SCAF1: variants seen among roughly 807,000 people sequenced by gnomAD.
The protein encoded by SCAF1 is SR-related CTD associated factor 1.
SCAF1 carries 28 observed loss-of-function variants against 91.2 expected under a neutral mutation model. That is an observed-to-expected ratio of 0.31 (90% CI 0.23 to 0.42). The LOEUF is 0.42. Ranked by LOEUF, SCAF1 falls within the 10% of genes least tolerant of loss-of-function variation. The pLI is 1.00. For synonymous variants in SCAF1, 1,036 were observed against 833.7 expected, an observed-to-expected ratio of 1.24 and a Z score of -4.18; for missense variants, 1,893 against 1,872.1, an observed-to-expected ratio of 1.01 and a Z score of -0.21.
rs1401180443 is a variant in SCAF1, at chr19:49,654,741, C to G, written c.3489C>G (p.Ser1163Arg). ...TGGGTCTGCCCCCTGGCCCCTCCAG[C>G]TACCTGCTTCCTGGCAGCCTCCCTC... ...TSLGLPPGPSSYLLPGSLPLG... is the reference protein window; with the variant it reads ...TSLGLPPGPSRYLLPGSLPLG... The change falls in exon 9 of 11, where the codon AGC (serine) becomes AGG (arginine). Residue 1163 changes from serine to arginine, a missense_variant. Physicochemically the swap from Ser to Arg is moderately radical, Grantham distance 110. Coordinates refer to ENST00000360565, the MANE Select transcript of SCAF1 (RefSeq NM_021228.3). 6.2e-7 allele frequency: 1 copy of G among 1,613,978 alleles called. No individual in the cohort carries two copies. The highest frequency in any genetic ancestry group is 2.2e-5 in the East Asian group (1 of 44,882).
Position 49,654,671 on chromosome 19 carries a change from C to A in SCAF1, c.3419C>A (p.Pro1140Gln). The A allele has an allele frequency of 1.2e-6, 2 of 1,612,998 alleles. No individual in the cohort carries two copies. Among genetic ancestry groups the A allele is most frequent in the Non-Finnish European group, 1.7e-6 (2 of 1,179,362 alleles). ...ATNQILSHRK[P>Q]PSSLGMTPAP... is the part of the protein sequence containing the mutation. Reference sequence around the variant, plus strand: ...CCACAGATCCTCAGCCACAGAAAGCCACCCTCAAGTCTGGGGATGACCCCA... The same window carrying A: ...CCACAGATCCTCAGCCACAGAAAGCAACCCTCAAGTCTGGGGATGACCCCA... The change falls in exon 9 of 11, where the codon CCA becomes CAA. Residue 1140 changes from proline (P) to glutamine (Q), a missense_variant. Physicochemically the swap from Pro to Gln is moderately conservative, Grantham distance 76 (BLOSUM62 -1). Coordinates refer to ENST00000360565, the MANE Select transcript of SCAF1 (RefSeq NM_021228.3).
Position 49,646,950 on chromosome 19 carries a change from G to A in SCAF1, c.478+120G>A, listed in dbSNP as rs193252531. The A allele has an allele frequency of 9.8e-6, 7 of 716,980 alleles. No individual in the cohort carries two copies. The highest frequency in any genetic ancestry group is 7.1e-5 in the African/African-American group (4 of 56,014). The allele number at this position is 716,980 out of a possible 1,614,324, so 44.4% of individuals were successfully genotyped here. A position where few individuals can be genotyped will look rare whatever the true frequency, so the allele number is the denominator to read the frequency against. ...TAGACAAAACCTTTCCCTTCTCTTC[G>A]TATTAGACGTGATTAAGGCTGTAGG... On this transcript the variant is annotated intron_variant, in intron 6 of 10. Coordinates refer to ENST00000360565, the MANE Select transcript of SCAF1 (RefSeq NM_021228.3). The surrounding 1 kb of genome is among the most constrained non-coding windows in gnomAD (Gnocchi z 5.6).
In SCAF1 at chr19:49,646,711, G is replaced by C. The variant is rs770998110; in HGVS notation, c.363-4G>C. The C allele has an allele frequency of 3.7e-6, 6 of 1,613,812 alleles. No individual in the cohort carries two copies. In the East Asian group the frequency reaches 1.1e-4, roughly 30 times the overall value. ...GAGGCTCACCCACCCCTTCCGCCTTGCAGAAGTGAGGACATGCTGGAGCTG... is the reference window on the plus strand; with the variant it reads ...GAGGCTCACCCACCCCTTCCGCCTTCCAGAAGTGAGGACATGCTGGAGCTG... On this transcript the variant is annotated splice_polypyrimidine_tract_variant and splice_region_variant and intron_variant, in intron 5 of 10. Transcript: ENST00000360565. This position sits in a 1 kb window ranked among gnomAD's most constrained non-coding sequence, Gnocchi z 5.6.
rs770076860 is a variant in SCAF1 at position 49,651,476 on chromosome 19, C to T, written c.1087C>T (p.Arg363Trp). 1.3e-5 allele frequency: 21 copies of T among 1,583,110 alleles called. No individual in the cohort carries two copies. In the Admixed American group the frequency reaches 2.3e-4, roughly 18 times the overall value. The part of the protein sequence containing the change: ...FVVGTEAEAC[R>W]EGKVSVEVVT... The stretch of plus-strand genomic sequence containing the variant: ...GGTGGGGACCGAGGCAGAGGCTTGT[C>T]GGGAAGGCAAGGTCTCGGTGGAGGT... The change falls in exon 7 of 11, where the codon CGG (arginine) becomes TGG (tryptophan). Residue 363 changes from arginine (R) to tryptophan (W), a missense_variant. Coordinates refer to ENST00000360565, the MANE Select transcript of SCAF1 (RefSeq NM_021228.3).
In SCAF1 at chr19:49,653,584, C is replaced by T. The variant is rs770289134; in HGVS notation, c.3195C>T (p.Ala1065=). The T allele has an allele frequency of 3.8e-5, 60 of 1,586,802 alleles. No individual in the cohort carries two copies. Among genetic ancestry groups the T allele is most frequent in the South Asian group, 3.3e-4 (29 of 88,218 alleles). ...PSTAPSAGST[A]GDSGAEDGPA... ...CTGCCCCCAGCGCGGGGTCCACAGCCGGTGACTCGGGGGCGGAGGACGGGC... is the reference window on the plus strand; with the variant it reads ...CTGCCCCCAGCGCGGGGTCCACAGCTGGTGACTCGGGGGCGGAGGACGGGC... The change falls in exon 7 of 11, where the codon GCC becomes GCT. Residue 1065 remains alanine, a synonymous_variant. Transcript: ENST00000360565.
chr19:49,652,359 A>G lies in SCAF1; in HGVS notation c.1970A>G (p.Asp657Gly). The stretch of plus-strand genomic sequence containing the variant: ...TCCCGGGGTGAGAAGCGGTCTGGGG[A>G]TGGCAGCGAGAAGGCCCCGGCGCCC... ...SRSRGEKRSG[D>G]GSEKAPAPAP... Residue 657 changes from aspartate (D) to glycine (G), a missense_variant, in exon 7 of 11, where the codon GAT becomes GGT. Asp to Gly is a moderately conservative substitution (Grantham distance 94). Coordinates refer to ENST00000360565, the MANE Select transcript of SCAF1 (RefSeq NM_021228.3). The G allele has an allele frequency of 6.5e-7, 1 of 1,535,942 alleles. No homozygotes were observed. Among genetic ancestry groups the G allele is most frequent in the Non-Finnish European group, 8.7e-7 (1 of 1,143,572 alleles).
chr19:49,651,440 C>G lies in SCAF1; in HGVS notation c.1051C>G (p.Arg351Gly). Residue 351 changes from arginine (R) to glycine (G), a missense_variant, in exon 7 of 11, where the codon CGG (arginine) becomes GGG (glycine). Coordinates refer to ENST00000360565, the MANE Select transcript of SCAF1 (RefSeq NM_021228.3). ...STRADGAMRR[R>G]VFVVGTEAEA... ...CCGGGCTGATGGAGCCATGCGCCGG[C>G]GGGTCTTCGTGGTGGGGACCGAGGC... 1 of 1,595,046 alleles carries G rather than the reference C, an allele frequency of 6.3e-7. No homozygotes were observed. The highest frequency in any genetic ancestry group is 8.5e-7 in the Non-Finnish European group (1 of 1,171,336).
chr19:49,654,478 T>C (rs376021948), intron 8 of SCAF1, 47 bp downstream of exon 8: 216 of 1,567,756 alleles, frequency 1.4e-4, no homozygotes, highest in Non-Finnish European at 1.7e-4. Flanking sequence ...CTTTTGTCCA[T>C]TGCCTCGGGT....
intron 1 of SCAF1, among the ~76,000 whole-genome samples, chr19:49,644,294 C>T (rs931369163): frequency 1.3e-5 from 2 of 152,194 alleles, no homozygotes; most frequent in Non-Finnish European, 2.9e-5. Flanking sequence ...CTTTCAACTG[C>T]CTGACTGGGG....
chr19:49,651,899 G>A lies in SCAF1; in HGVS notation c.1510G>A (p.Ala504Thr). The change falls in exon 7 of 11, where the codon GCG (alanine) becomes ACG (threonine). Residue 504 changes from alanine to threonine, a missense_variant. Ala to Thr is a moderately conservative substitution (Grantham distance 58, BLOSUM62 0). Transcript: ENST00000360565. ...YRQRSPSPAP[A>T]PAPAAAAGPP... ...CCAGCGCTCGCCCTCCCCGGCGCCC[G>A]CGCCCGCCCCGGCCGCCGCTGCTGG... 1 of 1,164,362 alleles carries A rather than the reference G, an allele frequency of 8.6e-7. No individual in the cohort carries two copies. The highest frequency in any genetic ancestry group is 1.1e-6 in the Non-Finnish European group (1 of 941,752). The allele number at this position is 1,164,362 out of a possible 1,614,324, so 72.1% of individuals were successfully genotyped here. A position where few individuals can be genotyped will look rare whatever the true frequency, so the allele number is the denominator to read the frequency against.
Position 49,646,479 on chromosome 19 carries a change from TC to T in SCAF1, c.262-46del. 1 of 1,537,858 alleles carries T rather than the reference TC, an allele frequency of 6.5e-7. No individual in the cohort carries two copies. Reference sequence around the variant, plus strand: ...GGAGTGGGGAAGCAGGATTTGCCAGTCTTCATGTGACCAGGGACGGCGTAGA... The same window carrying T: ...GGAGTGGGGAAGCAGGATTTGCCAGTTTCATGTGACCAGGGACGGCGTAGA... On this transcript the variant is annotated intron_variant, in intron 4 of 10. Coordinates refer to ENST00000360565, the MANE Select transcript of SCAF1 (RefSeq NM_021228.3). This position sits in a 1 kb window ranked among gnomAD's most constrained non-coding sequence, Gnocchi z 5.6.
chr19:49,651,417 G>A lies in SCAF1; in HGVS notation c.1028G>A (p.Arg343Gln), dbSNP rs765394748. The A allele has an allele frequency of 2.5e-6, 4 of 1,605,620 alleles. No individual in the cohort carries two copies. Among genetic ancestry groups the A allele is most frequent in the Non-Finnish European group, 3.4e-6 (4 of 1,177,202 alleles). Reference sequence around the variant, plus strand: ...ACGCCGCCCCAGGTGGACTCCACCCGGGCTGATGGAGCCATGCGCCGGCGG... The same window carrying A: ...ACGCCGCCCCAGGTGGACTCCACCCAGGCTGATGGAGCCATGCGCCGGCGG... The part of the protein sequence containing the change: ...PGTPPQVDST[R>Q]ADGAMRRRVF... The change falls in exon 7 of 11, where the codon CGG becomes CAG. Residue 343 changes from arginine to glutamine, a missense_variant. Arg to Gln is a conservative substitution (Grantham distance 43). Transcript: ENST00000360565.
In SCAF1 at chr19:49,646,687, A is replaced by C; in HGVS notation, c.363-28A>C. 1 of 1,612,904 alleles carries C rather than the reference A, an allele frequency of 6.2e-7. No homozygotes were observed. The highest frequency in any genetic ancestry group is 8.5e-7 in the Non-Finnish European group (1 of 1,179,036). On this transcript the variant is annotated intron_variant, in intron 5 of 10. Coordinates refer to ENST00000360565, the MANE Select transcript of SCAF1 (RefSeq NM_021228.3). This position sits in a 1 kb window ranked among gnomAD's most constrained non-coding sequence, Gnocchi z 5.6. Reference sequence around the variant, plus strand: ...AGCGTGAGAGCCAGAAGCACCCCTGAGGCTCACCCACCCCTTCCGCCTTGC... The same window carrying C: ...AGCGTGAGAGCCAGAAGCACCCCTGCGGCTCACCCACCCCTTCCGCCTTGC...
At position 49,654,375 on chromosome 19, in the gene SCAF1, G is replaced by A; in HGVS notation, c.3343G>A (p.Glu1115Lys). 1.2e-6 allele frequency: 2 copies of A among 1,613,510 alleles called. No homozygotes were observed. Among genetic ancestry groups the A allele is most frequent in the South Asian group, 2.2e-5 (2 of 91,066 alleles). The part of the protein sequence containing the change: ...ALTALLFKME[E>K]ANLASRAKAQ... The stretch of plus-strand genomic sequence containing the variant: ...GACTGCACTTCTCTTCAAGATGGAA[G>A]AAGCCAACCTGGCGAGCCGAGCGAA... Residue 1115 changes from glutamate to lysine, a missense_variant, in exon 8 of 11, where the codon GAA becomes AAA. By Grantham distance (56) the Glu-to-Lys change is moderately conservative. This residue lies in a region of SCAF1 where 1,436 missense variants were observed against 1,306.8 expected (regional missense o/e 1.10). Transcript: ENST00000360565.
In SCAF1 at chr19:49,653,109, G is replaced by A; in HGVS notation, c.2720G>A (p.Gly907Glu). Residue 907 changes from glycine to glutamate, a missense_variant, in exon 7 of 11, where the codon GGG becomes GAG. This residue lies in a region of SCAF1 where 1,436 missense variants were observed against 1,306.8 expected (regional missense o/e 1.10). Transcript: ENST00000360565. Reference protein sequence around the residue: ...PKKTKVKAKAGAKKTKGTKGK... With the variant: ...PKKTKVKAKAEAKKTKGTKGK... The stretch of plus-strand genomic sequence containing the variant: ...AAGACCAAGGTCAAGGCCAAGGCAG[G>A]GGCCAAGAAAACCAAGGGGACCAAG... 6.2e-7 allele frequency: 1 copy of A among 1,612,194 alleles called. No individual in the cohort carries two copies. Among genetic ancestry groups the A allele is most frequent in the Non-Finnish European group, 8.5e-7 (1 of 1,179,176 alleles).
rs2081161379 is a variant in SCAF1 at position 49,658,404 on chromosome 19, C to G, written c.*5C>G. ...CTGCCCCTGCCCCCTCTCTGAGAGC[C>G]CTGGCCAGCTCTTCGCCCCTCACCT... On this transcript the variant is annotated 3_prime_UTR_variant, in exon 11 of 11. Coordinates refer to ENST00000360565, the MANE Select transcript of SCAF1 (RefSeq NM_021228.3). The G allele has an allele frequency of 6.6e-7, 1 of 1,517,268 alleles. No homozygotes were observed. The highest frequency in any genetic ancestry group is 8.9e-7 in the Non-Finnish European group (1 of 1,127,442). The allele number at this position is 1,517,268 out of a possible 1,614,324, so 94.0% of individuals were successfully genotyped here. A position where few individuals can be genotyped will look rare whatever the true frequency, so the allele number is the denominator to read the frequency against.
In SCAF1 at chr19:49,653,040, C is replaced by A. The variant is rs781356043; in HGVS notation, c.2651C>A (p.Pro884His). 1 of 1,613,916 alleles carries A rather than the reference C, an allele frequency of 6.2e-7. No individual in the cohort carries two copies. The highest frequency in any genetic ancestry group is 8.5e-7 in the Non-Finnish European group (1 of 1,180,030). ...TTCCTCAAACCTGACGAGCGGGCCC[C>A]CACTGAGATGGCCAAAGCAGCTCCG... ...SPFLKPDERA[P>H]TEMAKAAPGS... is the part of the protein sequence containing the mutation. Residue 884 changes from proline to histidine, a missense_variant, in exon 7 of 11, where the codon CCC (proline) becomes CAC (histidine). Pro to His is a moderately conservative substitution (Grantham distance 77). Transcript: ENST00000360565.
At chr19:49,649,951 C>T (rs995218594) in intron 6 of SCAF1, among the ~76,000 whole-genome samples, 4 of 152,194 alleles carry the variant, frequency 2.6e-5, no homozygotes, top group Non-Finnish European at 5.9e-5. Flanking sequence ...CCCTCTCCTT[C>T]CCTGGCACTG....
In SCAF1 at chr19:49,654,733, C is replaced by T. The variant is rs773041238; in HGVS notation, c.3481C>T (p.Pro1161Ser). 5.7e-5 allele frequency: 92 copies of T among 1,613,928 alleles called. No homozygotes were observed. The highest frequency in any genetic ancestry group is 7.5e-5 in the Non-Finnish European group (89 of 1,179,966). The change falls in exon 9 of 11, where the codon CCC (proline) becomes TCC (serine). Residue 1161 changes from proline (P) to serine (S), a missense_variant. Coordinates refer to ENST00000360565, the MANE Select transcript of SCAF1 (RefSeq NM_021228.3). The part of the protein sequence containing the change: ...VPTSLGLPPG[P>S]SSYLLPGSLP... Reference sequence around the variant, plus strand: ...CACCTCTTTGGGTCTGCCCCCTGGCCCCTCCAGCTACCTGCTTCCTGGCAG... The same window carrying T: ...CACCTCTTTGGGTCTGCCCCCTGGCTCCTCCAGCTACCTGCTTCCTGGCAG...
Sources: allele counts gnomAD v4.1 joint callset (sites outside exome capture counted in the v4.1 genomes callset), GRCh38; gene constraint gnomAD v4.1.1; regional missense constraint gnomAD v4.1.1; non-coding constraint Gnocchi (gnomAD v3.1); transcripts MANE v1.5; gene names NCBI Gene and HGNC (gene_info 2026-07-23, HGNC 2026-07-21).